Variants in PPP6C observed in about 807,000 individuals in gnomAD.
PPP6C encodes the protein serine/threonine-protein phosphatase 6 catalytic subunit.
A neutral mutation model predicts 39.8 loss-of-function variants in PPP6C; 11 were observed. That is an observed-to-expected ratio of 0.28 (90% CI 0.17 to 0.46). PPP6C has a LOEUF of 0.46. PPP6C is among the 20% of genes least tolerant of loss of function. PPP6C has a pLI of 1.00. For synonymous variants in PPP6C, 129 were observed against 130.3 expected (o/e 0.99, Z 0.07); for missense variants, 211 against 373.9 (o/e 0.56, Z 3.59).
At chr9:125,178,936 C>T (rs1829363546) in intron 1 of PPP6C, among the ~76,000 whole-genome samples, 1 of 152,092 alleles carries the variant, frequency 6.6e-6, no homozygotes, top group Admixed American at 6.5e-5. Flanking sequence ...ATCTGCAGGC[C>T]AGGCATGGTG....
chr9:125,177,047 T>C (rs1454573345), intron 1 of PPP6C, among the ~76,000 whole-genome samples: 1 of 152,158 alleles, frequency 6.6e-6, no homozygotes, highest in African/African-American at 2.4e-5. Flanking sequence ...TTTAGAGCAG[T>C]TTTAGCTTCA....
In PPP6C at chr9:125,171,074, T is replaced by G; in HGVS notation, c.171+11A>C. 3 of 1,528,424 alleles carry G rather than the reference T, an allele frequency of 2.0e-6. No individual in the cohort carries two copies. Among genetic ancestry groups the G allele is most frequent in the South Asian group, 1.2e-5 (1 of 82,610 alleles). The allele number at this position is 1,528,424 out of a possible 1,614,324, so 94.7% of individuals were successfully genotyped here. On this transcript the variant is annotated intron_variant, in intron 2 of 6. Transcript: ENST00000373547. ...AGTACAAAACTTAAAAATCTGCTCATGAAATTTTACCTGTCCATGGATATC... is the reference window on the plus strand; with the variant it reads ...AGTACAAAACTTAAAAATCTGCTCAGGAAATTTTACCTGTCCATGGATATC...
intron 1 of PPP6C, among the ~76,000 whole-genome samples, chr9:125,173,686 CA>C (rs1301370984): frequency 6.6e-6 from 1 of 152,042 alleles, no homozygotes; most frequent in African/African-American, 2.4e-5. Context: ...GGCGCAATCT[CA>C]GCTCACTGCA....
intron 4 of PPP6C, among the ~76,000 whole-genome samples, chr9:125,156,755 CT>C (rs1836087367): frequency 5.4e-5 from 8 of 147,406 alleles, no homozygotes; most frequent in African/African-American, 2.0e-4. Context: ...CTCTCTCTCT[CT>C]CTCTCTCTCT....
At chr9:125,171,464 C>CACATAT (rs1462723023) in intron 1 of PPP6C, among the ~76,000 whole-genome samples, 12 of 25,654 alleles carry the variant, frequency 4.7e-4, no homozygotes, top group African/African-American at 1.6e-3. Flanking sequence ...CACATATACA[C>CACATAT]ACACACACAC....
intron 1 of PPP6C, among the ~76,000 whole-genome samples, chr9:125,180,346 G>A (rs529173517): frequency 6.6e-6 from 1 of 152,218 alleles, no homozygotes; most frequent in Non-Finnish European, 1.5e-5. Context: ...ATAATAATTA[G>A]CATCCAAAGT....
rs752202597 is a variant in PPP6C at position 125,189,750 on chromosome 9, G to GGCGGCGGCTGTAGCA, written c.-47_-33dup. The stretch of plus-strand genomic sequence containing the variant: ...AATAACAAGCCGCGGCAACAGCGGC[G>GGCGGCGGCTGTAGCA]GCGGCGGCTGTAGCAGCGGCGGCGG... On this transcript the variant is annotated 5_prime_UTR_variant, in exon 1 of 7. Coordinates refer to ENST00000373547, the MANE Select transcript of PPP6C (RefSeq NM_002721.5). The GGCGGCGGCTGTAGCA allele has an allele frequency of 9.6e-6, 15 of 1,559,916 alleles. No homozygotes were observed. The Admixed American group carries it at 1.2e-4, about 12-fold the overall frequency.
rs1835828075 is a variant in PPP6C at position 125,147,051 on chromosome 9, G to A, written c.*2622C>T. On this transcript the variant is annotated 3_prime_UTR_variant, in exon 7 of 7. Coordinates refer to ENST00000373547, the MANE Select transcript of PPP6C (RefSeq NM_002721.5). ...CAGTTCTAGACATCCAGACAGAATA[G>A]GAGCTGATGCAGATTGCATATGAGA... The A allele has an allele frequency of 2.0e-5, 3 of 152,182 alleles. No homozygotes were observed. Among genetic ancestry groups the A allele is most frequent in the Non-Finnish European group, 4.4e-5 (3 of 68,032 alleles). The allele number at this position is 152,182 out of a possible 1,614,324, so 9.4% of individuals were successfully genotyped here.
intron 1 of PPP6C, among the ~76,000 whole-genome samples, chr9:125,186,041 C>A (rs1278685770): frequency 1.3e-5 from 2 of 151,980 alleles, no homozygotes; most frequent in African/African-American, 2.4e-5. Context: ...TCCAACTTAG[C>A]GAAACAGAAA....
At chr9:125,170,931 C>A (rs189650719) in intron 2 of PPP6C, among the ~76,000 whole-genome samples, 154 bp downstream of exon 2, 6 of 152,264 alleles carry the variant, frequency 3.9e-5, no homozygotes, top group African/African-American at 1.4e-4. Context: ...AAAATGTAAA[C>A]CAGGAATCAT....
chr9:125,151,156 G>T (rs1189691393), intron 6 of PPP6C: 10 of 1,445,262 alleles, frequency 6.9e-6, no homozygotes, highest in Non-Finnish European at 9.7e-6. Flanking sequence ...TTCATCTGAT[G>T]CTGGTGGAGC....
chr9:125,166,105 T>C (rs1219723656), intron 2 of PPP6C, among the ~76,000 whole-genome samples: 1 of 152,244 alleles, frequency 6.6e-6, no homozygotes, highest in Admixed American at 6.5e-5. Flanking sequence ...CCTATAATAG[T>C]CATCTTTCAT....
chr9:125,151,740 T>C (rs1180968523), intron 6 of PPP6C, among the ~76,000 whole-genome samples: 1 of 152,160 alleles, frequency 6.6e-6, no homozygotes, highest in Non-Finnish European at 1.5e-5. Flanking sequence ...TTATCCGAAA[T>C]GAAGAAAGAA....
intron 1 of PPP6C, among the ~76,000 whole-genome samples, chr9:125,171,478 C>CATATATATAT (rs59002869): frequency 9.1e-4 from 76 of 83,446 alleles, no homozygotes; most frequent in African/African-American, 1.5e-3. Context: ...CACACACACA[C>CATATATATAT]ATATATATAT....
intron 1 of PPP6C, among the ~76,000 whole-genome samples, chr9:125,174,045 T>C (rs1433776994): frequency 3.3e-5 from 5 of 152,314 alleles, no homozygotes; most frequent in Non-Finnish European, 7.3e-5. Context: ...GAAAAGGAAG[T>C]ATACATCCCT....
At chr9:125,173,861 C>T (rs1224170604) in intron 1 of PPP6C, among the ~76,000 whole-genome samples, 1 of 152,112 alleles carries the variant, frequency 6.6e-6, no homozygotes, top group Non-Finnish European at 1.5e-5. Flanking sequence ...CATGATCCAC[C>T]CGCCTCGGCC....
chr9:125,148,374 G>A lies in PPP6C; in HGVS notation c.*1299C>T, dbSNP rs1835857656. 1 of 152,112 alleles carries A rather than the reference G, an allele frequency of 6.6e-6. No homozygotes were observed. The highest frequency in any genetic ancestry group is 1.5e-5 in the Non-Finnish European group (1 of 68,010). 9.4% of individuals were successfully genotyped at this position (152,112 alleles called of 1,614,324 possible). A position where few individuals can be genotyped will look rare whatever the true frequency, so the allele number is the denominator to read the frequency against. On this transcript the variant is annotated 3_prime_UTR_variant, in exon 7 of 7. Transcript: ENST00000373547. ...ACATCATTTATGACTACAGTCATAA[G>A]AGATACTGGAATACTTGTCCTTATT...
chr9:125,150,944 TAA>T (rs1301149311), intron 6 of PPP6C: 3 of 1,166,802 alleles, frequency 2.6e-6, no homozygotes, highest in African/African-American at 3.0e-5. Context: ...AGCAGGATAA[TAA>T]AGAGTCAGGT....
intron 1 of PPP6C, among the ~76,000 whole-genome samples, chr9:125,172,720 A>AC (rs1829199495): frequency 6.9e-6 from 1 of 144,698 alleles, no homozygotes; most frequent in Admixed American, 6.9e-5. Flanking sequence ...AATACACACA[A>AC]ACACACACAC....
Sources: gnomAD v4.1 joint callset for allele counts (sites outside exome capture counted in the v4.1 genomes callset) on GRCh38, gnomAD v4.1.1 for gene constraint, MANE v1.5 for transcripts, NCBI Gene and HGNC (gene_info 2026-07-23, HGNC 2026-07-21) for gene names.